AGFG1: variants seen among roughly 807,000 people sequenced by gnomAD.
AGFG1 encodes ArfGAP with FG repeats 1, also known as arf-GAP domain and FG repeat-containing protein 1.
A neutral mutation model predicts 60.6 loss-of-function variants in AGFG1; 10 were observed. The ratio of observed to expected loss-of-function variants is 0.16; its 90% CI spans 0.10 to 0.28. AGFG1 has a LOEUF of 0.28. AGFG1 is among the 10% of genes least tolerant of loss of function. The probability of loss-of-function intolerance (pLI) is 1.00; values close to 1 mark genes in which losing one functional copy is unlikely to be tolerated. For synonymous variants in AGFG1, 247 were observed against 242.9 expected (o/e 1.02, Z -0.16); for missense variants, 537 against 676.5 (o/e 0.79, Z 2.29).
At chr2:227,504,302 C>T (rs1223345959) in intron 2 of AGFG1, among the ~76,000 whole-genome samples, 1 of 151,790 alleles carries the variant, frequency 6.6e-6, no homozygotes. Flanking sequence ...AGGTGACTCT[C>T]CCACCTCAGC....
chr2:227,536,751 A>G, intron 9 of AGFG1, 47 bp downstream of exon 9: 1 of 1,595,836 alleles, frequency 6.3e-7, no homozygotes, highest in Non-Finnish European at 8.6e-7. Context: ...GAACCCAAAT[A>G]TATATTGTGT....
chr2:227,504,519 A>G (rs1044062156), intron 2 of AGFG1, among the ~76,000 whole-genome samples: 9 of 152,166 alleles, frequency 5.9e-5, no homozygotes, highest in African/African-American at 1.9e-4. Context: ...TATTGAAAAA[A>G]TTTGTGTTTA....
chr2:227,500,818 G>A (rs766920162), intron 2 of AGFG1, among the ~76,000 whole-genome samples: 3 of 151,786 alleles, frequency 2.0e-5, no homozygotes, highest in Non-Finnish European at 2.9e-5. Context: ...TTGAGACAGA[G>A]TTTCGCTCTT....
intron 1 of AGFG1, among the ~76,000 whole-genome samples, chr2:227,481,099 C>CTTTTTTTT (rs36152184): frequency 3.6e-3 from 274 of 75,610 alleles, no homozygotes; most frequent in African/African-American, 5.7e-3. Flanking sequence ...GTGTTTTAGG[C>CTTTTTTTT]TTTTTTTTTT....
At chr2:227,503,543 A>G (rs1488815276) in intron 2 of AGFG1, among the ~76,000 whole-genome samples, 1 of 152,030 alleles carries the variant, frequency 6.6e-6, no homozygotes, top group Non-Finnish European at 1.5e-5. Context: ...ACCAAGCTGG[A>G]TTTTCTCTCC....
At chr2:227,485,499 G>A (rs998216819) in intron 1 of AGFG1, among the ~76,000 whole-genome samples, 2 of 150,780 alleles carry the variant, frequency 1.3e-5, no homozygotes, top group African/African-American at 2.4e-5. Flanking sequence ...GCCTCCCAAA[G>A]TACTGGGATT....
Position 227,556,074 on chromosome 2 carries a change from C to A in AGFG1, c.*1579C>A, listed in dbSNP as rs1692962961. 1 of 152,182 alleles carries A rather than the reference C, an allele frequency of 6.6e-6. No individual in the cohort carries two copies. The highest frequency in any genetic ancestry group is 6.5e-5 in the Admixed American group (1 of 15,280). 9.4% of individuals were successfully genotyped at this position (152,182 alleles called of 1,614,324 possible). A position where few individuals can be genotyped will look rare whatever the true frequency, so the allele number is the denominator to read the frequency against. ...TATACTACATCATCTGATGATTATTCTTTATTATGCCTCTAGGTAATTAAG... is the reference window on the plus strand; with the variant it reads ...TATACTACATCATCTGATGATTATTATTTATTATGCCTCTAGGTAATTAAG... On this transcript the variant is annotated 3_prime_UTR_variant, in exon 13 of 13. Transcript: ENST00000310078.
intron 2 of AGFG1, among the ~76,000 whole-genome samples, chr2:227,514,974 G>GTC (rs892082635): frequency 6.6e-6 from 1 of 152,168 alleles, no homozygotes; most frequent in Non-Finnish European, 1.5e-5. Context: ...CCAGGATGGA[G>GTC]TAGAGTGGTA....
chr2:227,537,930 T>A (rs1214119368), intron 10 of AGFG1, among the ~76,000 whole-genome samples: 1 of 152,174 alleles, frequency 6.6e-6, no homozygotes, highest in Non-Finnish European at 1.5e-5. Flanking sequence ...TATTAGGAGT[T>A]TGAGCTGTAA....
In AGFG1 at chr2:227,486,331, C is replaced by T. The variant is rs181191619; in HGVS notation, c.168-5216C>T. Among the ~76,000 whole-genome samples the T allele has an allele frequency of 1.5e-3, 229 of 152,004 alleles. 2 individuals carry two copies. The highest frequency in any genetic ancestry group is 2.5e-3 in the East Asian group (13 of 5,166). ...AGTATGTTAATAGTCGTAGGGTTTT[C>T]GGGGGGTAATTTATGGACTATCATA... On this transcript the variant is annotated intron_variant, in intron 1 of 12. Coordinates refer to ENST00000310078, the MANE Select transcript of AGFG1 (RefSeq NM_004504.5).
chr2:227,551,130 G>A (rs1486164084), intron 10 of AGFG1, among the ~76,000 whole-genome samples: 3 of 152,122 alleles, frequency 2.0e-5, no homozygotes, highest in Admixed American at 6.5e-5. Flanking sequence ...TAATACCAGC[G>A]AGGCATGGCA....
At chr2:227,552,249 T>C in intron 11 of AGFG1, 132 bp downstream of exon 11, 1 of 1,132,030 alleles carries the variant, frequency 8.8e-7, no homozygotes, top group Non-Finnish European at 1.2e-6. Context: ...TACACAAAAA[T>C]AAAAGCCTTT....
intron 6 of AGFG1, 143 bp downstream of exon 6, chr2:227,531,353 C>T (rs1692152846): frequency 1.0e-6 from 1 of 965,832 alleles, no homozygotes; most frequent in Admixed American, 3.0e-5. Context: ...TCTGGGGAAA[C>T]CTGAACTCTT....
intron 8 of AGFG1, among the ~76,000 whole-genome samples, 157 bp from the exon 9 acceptor site, chr2:227,536,463 GTTTAT>G (rs1033422804): frequency 2.0e-5 from 3 of 151,654 alleles, no homozygotes; most frequent in South Asian, 2.1e-4. Context: ...AGTAACAATT[GTTTAT>G]TTTATTACAT....
At chr2:227,550,335 A>G (rs1692782394) in intron 10 of AGFG1, among the ~76,000 whole-genome samples, 1 of 152,206 alleles carries the variant, frequency 6.6e-6, no homozygotes. Context: ...GCTTACCTAC[A>G]TGGTCATATT....
In AGFG1 at chr2:227,556,583, T is replaced by C. The variant is rs2106249621; in HGVS notation, c.*2088T>C. On this transcript the variant is annotated 3_prime_UTR_variant, in exon 13 of 13. Coordinates refer to ENST00000310078, the MANE Select transcript of AGFG1 (RefSeq NM_004504.5). ...CCCAGTTGATTCATGTGTACAAAGT[T>C]ATGCTACCTAATTACAGACCATTAC... The C allele has an allele frequency of 6.5e-6, 1 of 152,744 alleles. No individual in the cohort carries two copies. The highest frequency in any genetic ancestry group is 1.5e-5 in the Non-Finnish European group (1 of 68,024). 9.5% of individuals were successfully genotyped at this position (152,744 alleles called of 1,614,324 possible). A position where few individuals can be genotyped will look rare whatever the true frequency, so the allele number is the denominator to read the frequency against.
intron 2 of AGFG1, among the ~76,000 whole-genome samples, chr2:227,494,817 CAG>C (rs1206697351): frequency 6.6e-6 from 1 of 152,200 alleles, no homozygotes; most frequent in African/African-American, 2.4e-5. Flanking sequence ...AGCCCAGAAT[CAG>C]AGTGAGAGGG....
intron 10 of AGFG1, among the ~76,000 whole-genome samples, chr2:227,546,424 G>A (rs1692648891): frequency 6.6e-6 from 1 of 152,222 alleles, no homozygotes; most frequent in South Asian, 2.1e-4. Flanking sequence ...GGAATTCCCT[G>A]ACCCCTTGCA....
chr2:227,477,777 T>G (rs1329358657), intron 1 of AGFG1, among the ~76,000 whole-genome samples: 2 of 151,834 alleles, frequency 1.3e-5, no homozygotes, highest in African/African-American at 2.4e-5. Flanking sequence ...GGCTAAATTT[T>G]TTTTGTATTT....
Sources: gnomAD v4.1 joint callset for allele counts (sites outside exome capture counted in the v4.1 genomes callset) on GRCh38, gnomAD v4.1.1 for gene constraint, MANE v1.5 for transcripts, NCBI Gene and HGNC (gene_info 2026-07-23, HGNC 2026-07-21) for gene names.